Variants in ATRNL1 observed in about 807,000 individuals in gnomAD.
ATRNL1 encodes attractin like 1.
A neutral mutation model predicts 182.7 loss-of-function variants in ATRNL1; 95 were observed. The ratio of observed to expected loss-of-function variants is 0.52; its 90% confidence interval spans 0.44 to 0.62. The LOEUF (loss-of-function observed/expected upper bound fraction) is 0.62. ATRNL1 is among the 20% of genes least tolerant of loss of function. The probability of loss-of-function intolerance (pLI) is 0.00; values close to 1 mark genes in which losing one functional copy is unlikely to be tolerated. For synonymous variants in ATRNL1, 576 were observed against 568.3 expected (o/e 1.01, Z -0.19); for missense variants, 1,471 against 1,679.5 (o/e 0.88, Z 2.17).
chr10:115,297,812 G>C (rs1246545425), intron 15 of ATRNL1, among the ~76,000 whole-genome samples: 1 of 152,044 alleles, frequency 6.6e-6, no homozygotes, highest in East Asian at 1.9e-4. Flanking sequence ...TCTTGCTTAA[G>C]ACATATTATT....
chr10:115,799,041 G>C (rs961636455), intron 27 of ATRNL1, among the ~76,000 whole-genome samples: 1 of 151,876 alleles, frequency 6.6e-6, no homozygotes, highest in African/African-American at 2.4e-5. Flanking sequence ...TGGCCGGGCT[G>C]GTCTTGAACT....
intron 24 of ATRNL1, among the ~76,000 whole-genome samples, chr10:115,498,937 T>C (rs549971987): frequency 3.9e-5 from 6 of 152,192 alleles, no homozygotes; most frequent in African/African-American, 1.4e-4. Context: ...ATTTAGTGCA[T>C]TTCCTTTACA....
intron 27 of ATRNL1, among the ~76,000 whole-genome samples, chr10:115,765,721 G>A (rs2960694): frequency 0.95 from 144,670 of 152,242 alleles, 69,153 homozygotes; most frequent in East Asian, 1. Flanking sequence ...AGTACCGCAG[G>A]TCATCTAGGT....
chr10:115,710,464 A>C (rs558744683), intron 26 of ATRNL1, among the ~76,000 whole-genome samples: 12 of 152,138 alleles, frequency 7.9e-5, no homozygotes, highest in Non-Finnish European at 1.5e-4. Context: ...GCAGGTTACA[A>C]AATTGGCACT....
intron 21 of ATRNL1, among the ~76,000 whole-genome samples, chr10:115,442,908 T>C (rs73369799): frequency 0.043 from 6,476 of 152,134 alleles, 419 homozygotes; most frequent in African/African-American, 0.15. Context: ...TTTTCTTAAG[T>C]ATTAAAATTT....
intron 21 of ATRNL1, among the ~76,000 whole-genome samples, chr10:115,438,152 A>C (rs1316736993): frequency 2.0e-5 from 3 of 152,022 alleles, no homozygotes; most frequent in African/African-American, 4.8e-5. Flanking sequence ...ATATCTAAGA[A>C]TTCTTCTTCC....
At chr10:115,728,395 T>C (rs1423007207) in intron 27 of ATRNL1, among the ~76,000 whole-genome samples, 1 of 151,792 alleles carries the variant, frequency 6.6e-6, no homozygotes, top group African/African-American at 2.4e-5. Context: ...TAATTGTATG[T>C]TTATTACTTT....
At chr10:115,525,269 C>T (rs1169017057) in intron 25 of ATRNL1, among the ~76,000 whole-genome samples, 2 of 152,166 alleles carry the variant, frequency 1.3e-5, no homozygotes, top group African/African-American at 4.8e-5. Flanking sequence ...TATTAATAAT[C>T]CCTACAACTC....
chr10:115,703,887 T>C (rs1946816259), intron 26 of ATRNL1, among the ~76,000 whole-genome samples: 1 of 151,992 alleles, frequency 6.6e-6, no homozygotes, highest in Middle Eastern at 3.4e-3. Flanking sequence ...TTAGGCCTCT[T>C]ATCAAATATA....
At chr10:115,628,996 A>G (rs1555025549) in intron 26 of ATRNL1, among the ~76,000 whole-genome samples, 1 of 151,242 alleles carries the variant, frequency 6.6e-6, no homozygotes, top group East Asian at 1.9e-4. Flanking sequence ...TTATTCCATT[A>G]CTCTCATTTT....
intron 24 of ATRNL1, among the ~76,000 whole-genome samples, chr10:115,472,878 T>C (rs11197230): frequency 5.3e-5 from 8 of 151,184 alleles, no homozygotes; most frequent in Non-Finnish European, 8.9e-5. Context: ...AGTCCTATGT[T>C]GAATAGAAGT....
At chr10:115,238,371 C>T (rs1377578877) in intron 9 of ATRNL1, among the ~76,000 whole-genome samples, 1 of 152,084 alleles carries the variant, frequency 6.6e-6, no homozygotes, top group Non-Finnish European at 1.5e-5. Context: ...TATTAGTTTT[C>T]CTATCTGTGT....
rs555397064 is a variant in ATRNL1 at position 115,718,401 on chromosome 10, C to G, written c.3796-8847C>G. ...CTTCTGTGTGCTGTTAATTATGATT[C>G]TTAAGTGCCCAGAGTATTTTTAAAG... On this transcript the variant is annotated intron_variant, in intron 26 of 28. Transcript: ENST00000355044. Among the ~76,000 whole-genome samples, 8 of 152,252 alleles carry G rather than the reference C, an allele frequency of 5.3e-5. No homozygotes were observed. In the South Asian group the frequency reaches 1.7e-3, roughly 32 times the overall value.
chr10:115,350,058 C>A (rs1439515222), intron 19 of ATRNL1, among the ~76,000 whole-genome samples: 6 of 152,102 alleles, frequency 3.9e-5, no homozygotes, highest in Non-Finnish European at 7.4e-5. Context: ...TCAATGTTGG[C>A]TGGGCACAAT....
At chr10:115,479,786 A>G (rs527952255) in intron 24 of ATRNL1, among the ~76,000 whole-genome samples, 12 of 151,522 alleles carry the variant, frequency 7.9e-5, no homozygotes, top group African/African-American at 1.2e-4. Context: ...AAATCTTGAT[A>G]ATAAAAAATA....
At chr10:115,781,541 T>TA (rs1183494015) in intron 27 of ATRNL1, among the ~76,000 whole-genome samples, 3 of 152,020 alleles carry the variant, frequency 2.0e-5, no homozygotes, top group African/African-American at 7.2e-5. Context: ...CCCACAAACA[T>TA]AATGTTGAAC....
chr10:115,659,241 C>T (rs143371714), intron 26 of ATRNL1, among the ~76,000 whole-genome samples: 74 of 152,184 alleles, frequency 4.9e-4, no homozygotes, highest in African/African-American at 1.5e-3. Context: ...TATAGTTTCC[C>T]TGCACTCTGC....
chr10:115,820,602 T>C (rs1188129172), intron 27 of ATRNL1: 1 of 152,138 alleles, frequency 6.6e-6, no homozygotes, highest in African/African-American at 2.4e-5. Flanking sequence ...TACTACAGCC[T>C]GTCAGAGGCA....
chr10:115,755,803 C>T (rs773542765), intron 27 of ATRNL1, among the ~76,000 whole-genome samples: 41 of 151,982 alleles, frequency 2.7e-4, no homozygotes, highest in Non-Finnish European at 4.1e-4. Flanking sequence ...TGGTCCTGGA[C>T]GTTTTTTGGT....
Sources: allele counts gnomAD v4.1 joint callset (sites outside exome capture counted in the v4.1 genomes callset), GRCh38; gene constraint gnomAD v4.1.1; transcripts MANE v1.5; gene names NCBI Gene and HGNC (gene_info 2026-07-23, HGNC 2026-07-21).